SLC4A10: variants seen among roughly 807,000 people sequenced by gnomAD.
SLC4A10 encodes solute carrier family 4 member 10, also known as sodium-driven chloride bicarbonate exchanger.
Under a neutral mutation model 137.7 loss-of-function variants are expected in SLC4A10, and 42 were observed. That is an observed-to-expected ratio of 0.30 (90% CI 0.24 to 0.39). SLC4A10 has a LOEUF of 0.39. Ranked by LOEUF, SLC4A10 falls within the 10% of genes least tolerant of loss-of-function variation. The pLI, the probability that SLC4A10 is intolerant of heterozygous loss-of-function variation, is 1.00. For synonymous variants in SLC4A10, 474 were observed against 464.1 expected, an observed-to-expected ratio of 1.02 and a Z score of -0.27; for missense variants, 925 against 1,355.0, an observed-to-expected ratio of 0.68 and a Z score of 4.98.
chr2:161,671,877 A>G (rs778546292), intron 1 of SLC4A10, among the ~76,000 whole-genome samples: 1 of 152,218 alleles, frequency 6.6e-6, no homozygotes, highest in Non-Finnish European at 1.5e-5. Context: ...AAAAAACCCT[A>G]TAAATCAAGC....
intron 1 of SLC4A10, among the ~76,000 whole-genome samples, chr2:161,756,382 G>A (rs940624082): frequency 6.6e-6 from 1 of 152,182 alleles, no homozygotes; most frequent in Non-Finnish European, 1.5e-5. Context: ...TTTTTGAGAA[G>A]TATGAATATG....
intron 11 of SLC4A10, among the ~76,000 whole-genome samples, chr2:161,898,837 C>T (rs2105276784): frequency 6.6e-6 from 1 of 152,202 alleles, no homozygotes; most frequent in East Asian, 1.9e-4. Flanking sequence ...TAACTGGTCT[C>T]ACATAAATTC....
intron 15 of SLC4A10, among the ~76,000 whole-genome samples, chr2:161,933,589 C>T (rs1167172072): frequency 6.6e-6 from 1 of 152,088 alleles, no homozygotes; most frequent in Admixed American, 6.6e-5. Context: ...AGACAACATT[C>T]TTGCTATGTT....
intron 1 of SLC4A10, among the ~76,000 whole-genome samples, chr2:161,718,644 T>C (rs372938838): frequency 4.6e-5 from 7 of 152,314 alleles, no homozygotes; most frequent in East Asian, 3.9e-4. Flanking sequence ...TCTAATTTGA[T>C]TGTGCCATGG....
chr2:161,929,577 C>T (rs1024078115), intron 15 of SLC4A10, among the ~76,000 whole-genome samples: 7 of 152,084 alleles, frequency 4.6e-5, no homozygotes, highest in Admixed American at 2.6e-4. Flanking sequence ...AGGATGCTCC[C>T]GATAGATGAC....
intron 1 of SLC4A10, among the ~76,000 whole-genome samples, chr2:161,686,700 G>A (rs911565517): frequency 1.3e-5 from 2 of 152,112 alleles, no homozygotes; most frequent in African/African-American, 4.8e-5. Context: ...ATAGATTGAT[G>A]CCCTGACATT....
Position 161,625,550 on chromosome 2 carries a change from A to C in SLC4A10, c.48+984A>C, listed in dbSNP as rs138030220. Among the ~76,000 whole-genome samples, 216 of 152,230 alleles carry C rather than the reference A, an allele frequency of 1.4e-3. 1 individual carries two copies. Among genetic ancestry groups the C allele is most frequent in the Middle Eastern group, 3.4e-3 (1 of 294 alleles). ...AGGGGCTGTTTCTCAGCTCCCTGTTACTAAGGTTGGTGACCCACCTTGCGC... is the reference window on the plus strand; with the variant it reads ...AGGGGCTGTTTCTCAGCTCCCTGTTCCTAAGGTTGGTGACCCACCTTGCGC... On this transcript the variant is annotated intron_variant, in intron 1 of 26. Transcript: ENST00000446997.
At chr2:161,916,626 C>A (rs114370900) in intron 15 of SLC4A10, among the ~76,000 whole-genome samples, 2,316 of 152,304 alleles carry the variant, frequency 0.015, 58 homozygotes, top group African/African-American at 0.053. Flanking sequence ...CAGTGCCTCT[C>A]TTCTCTCTCC....
chr2:161,886,653 C>T (rs1267383591), intron 10 of SLC4A10, among the ~76,000 whole-genome samples: 1 of 152,024 alleles, frequency 6.6e-6, no homozygotes, highest in South Asian at 2.1e-4. Flanking sequence ...TTCGTTTTGA[C>T]ACTAAGTCTC....
intron 1 of SLC4A10, among the ~76,000 whole-genome samples, chr2:161,661,931 T>G (rs2105714824): frequency 6.6e-6 from 1 of 152,290 alleles, no homozygotes; most frequent in South Asian, 2.1e-4. Flanking sequence ...ATTCACAAGC[T>G]AAGCATGGGA....
intron 26 of SLC4A10, among the ~76,000 whole-genome samples, chr2:161,978,255 C>T (rs781383050): frequency 2.6e-5 from 4 of 151,540 alleles, no homozygotes; most frequent in Non-Finnish European, 4.4e-5. Flanking sequence ...GGCGTGGTGG[C>T]GGATGCCTGT....
At chr2:161,696,412 G>A (rs1424624681) in intron 1 of SLC4A10, among the ~76,000 whole-genome samples, 3 of 143,590 alleles carry the variant, frequency 2.1e-5, no homozygotes, top group Admixed American at 7.0e-5. Flanking sequence ...CCATTAACTC[G>A]TCATTTAGCA....
intron 3 of SLC4A10, among the ~76,000 whole-genome samples, chr2:161,828,767 CATATATATATATATATATATATATATAT>C (rs58808663): frequency 3.6e-4 from 15 of 42,076 alleles, no homozygotes; most frequent in South Asian, 1.1e-3. Flanking sequence ...AATTCTAATT[CATATATATATATATATATATATATATAT>C]ATATATATAT....
chr2:161,982,225 T>A (rs1176608932), intron 26 of SLC4A10, among the ~76,000 whole-genome samples: 1 of 152,142 alleles, frequency 6.6e-6, no homozygotes, highest in African/African-American at 2.4e-5. Flanking sequence ...GCCCTTTGTG[T>A]CAGCAGTGGG....
chr2:161,919,937 C>T (rs1239282333), intron 15 of SLC4A10, among the ~76,000 whole-genome samples: 2 of 152,194 alleles, frequency 1.3e-5, no homozygotes, highest in Admixed American at 6.5e-5. Context: ...CTTCTGGGTG[C>T]CACCACGTTC....
At chr2:161,783,010 T>G (rs889450962) in intron 2 of SLC4A10, among the ~76,000 whole-genome samples, 2 of 151,688 alleles carry the variant, frequency 1.3e-5, no homozygotes, top group African/African-American at 4.8e-5. Context: ...AAGGAAAACT[T>G]AGAGATATCA....
chr2:161,764,134 T>C (rs923122997), intron 1 of SLC4A10, among the ~76,000 whole-genome samples: 5 of 152,182 alleles, frequency 3.3e-5, no homozygotes, highest in African/African-American at 1.2e-4. Context: ...ACTGGTTGAC[T>C]GAATTATGGC....
intron 2 of SLC4A10, among the ~76,000 whole-genome samples, chr2:161,782,435 A>G (rs2053141688): frequency 6.6e-6 from 1 of 151,960 alleles, no homozygotes; most frequent in African/African-American, 2.4e-5. Context: ...ATCTGATGCA[A>G]AGACACCAAT....
chr2:161,879,212 C>G lies in SLC4A10; in HGVS notation c.1030C>G (p.Arg344Gly), dbSNP rs773447637. 1 of 1,613,368 alleles carries G rather than the reference C, an allele frequency of 6.2e-7. No individual in the cohort carries two copies. Among genetic ancestry groups the G allele is most frequent in the African/African-American group, 1.3e-5 (1 of 75,006 alleles). The change falls in exon 9 of 27, where the codon CGA (arginine) becomes GGA (glycine). Residue 344 changes from arginine (R) to glycine (G), a missense_variant. By Grantham distance (125) the Arg-to-Gly change is moderately radical. Coordinates refer to ENST00000446997, the MANE Select transcript of SLC4A10 (RefSeq NM_001178015.2). Reference sequence around the variant, plus strand: ...AGTGGGAGAACTGGAGTTCTTGGATCGAACAGTAGTTGCGTTTGTCAGGTT... The same window carrying G: ...AGTGGGAGAACTGGAGTTCTTGGATGGAACAGTAGTTGCGTTTGTCAGGTT... ...ILVGELEFLD[R>G]TVVAFVRLSP...
Sources: allele counts gnomAD v4.1 joint callset (sites outside exome capture counted in the v4.1 genomes callset), GRCh38; gene constraint gnomAD v4.1.1; transcripts MANE v1.5; gene names NCBI Gene and HGNC (gene_info 2026-07-23, HGNC 2026-07-21).